Variants in ZNF146 observed in about 807,000 individuals in gnomAD.
ZNF146 encodes zinc finger protein 146.
A neutral mutation model predicts 22.2 loss-of-function variants in ZNF146; 9 were observed. That is an observed-to-expected ratio of 0.41 (90% CI 0.24 to 0.71). The LOEUF is 0.71. Among genes scored for constraint, ZNF146 ranks in the 30% least tolerant of loss-of-function variants. The probability of loss-of-function intolerance (pLI) is 0.34; values close to 1 mark genes in which losing one functional copy is unlikely to be tolerated. For missense variants in ZNF146, 194 were observed against 344.8 expected, an observed-to-expected ratio of 0.56 and a Z score of 3.46; for synonymous variants, 108 against 119.2, an observed-to-expected ratio of 0.91 and a Z score of 0.61.
intron 3 of ZNF146, among the ~76,000 whole-genome samples, chr19:36,229,383 G>T (rs926229426): frequency 3.3e-5 from 5 of 152,128 alleles, no homozygotes; most frequent in Non-Finnish European, 7.3e-5. Context: ...CTACTTTTAT[G>T]TGTGGGGGTC....
upstream of ZNF146, chr19:36,215,079 A>G (rs1290192406): frequency 6.6e-6 from 1 of 152,284 alleles, no homozygotes; most frequent in Non-Finnish European, 1.5e-5. Context: ...CGTCGCGGAG[A>G]CTTCTGGGAG....
chr19:36,222,662 A>G (rs1976898039), intron 2 of ZNF146, among the ~76,000 whole-genome samples: 1 of 151,784 alleles, frequency 6.6e-6, no homozygotes, highest in South Asian at 2.1e-4. Flanking sequence ...GCCTGTATGT[A>G]TTAATCTAGG....
chr19:36,221,523 C>T (rs1029447377), intron 2 of ZNF146, among the ~76,000 whole-genome samples: 6 of 151,808 alleles, frequency 4.0e-5, no homozygotes, highest in Admixed American at 2.0e-4. Context: ...CTCCTGACCT[C>T]GTGATCCACC....
intron 1 of ZNF146, among the ~76,000 whole-genome samples, chr19:36,217,675 A>C (rs1014614025): frequency 1.4e-4 from 21 of 152,028 alleles, no homozygotes; most frequent in Non-Finnish European, 2.6e-4. Context: ...ACCTGAGGTC[A>C]GGAGTTTGAG....
At chr19:36,219,106 C>T (rs1255012404) in intron 2 of ZNF146, among the ~76,000 whole-genome samples, 1 of 152,158 alleles carries the variant, frequency 6.6e-6, no homozygotes, top group Non-Finnish European at 1.5e-5. Context: ...CTGCGCCTGG[C>T]CACTTAAAAT....
chr19:36,233,520 C>A (rs1175271356), intron 3 of ZNF146, among the ~76,000 whole-genome samples: 1 of 152,032 alleles, frequency 6.6e-6, no homozygotes, highest in Admixed American at 6.6e-5. Context: ...AGAGGACCGG[C>A]CTCTTGAGTT....
intron 2 of ZNF146, among the ~76,000 whole-genome samples, chr19:36,228,295 T>C (rs73931517): frequency 0.024 from 3,602 of 152,326 alleles, 166 homozygotes; most frequent in African/African-American, 0.083. Flanking sequence ...CCATGTGCTT[T>C]AGTTCTGATG....
chr19:36,232,928 G>A (rs1384938970), intron 3 of ZNF146, among the ~76,000 whole-genome samples: 1 of 152,136 alleles, frequency 6.6e-6, no homozygotes, highest in Non-Finnish European at 1.5e-5. Context: ...TATAACAAAT[G>A]CTGAAGGAAT....
At chr19:36,223,154 C>T (rs577880240) in intron 2 of ZNF146, among the ~76,000 whole-genome samples, 12 of 151,748 alleles carry the variant, frequency 7.9e-5, no homozygotes, top group South Asian at 4.2e-4. Flanking sequence ...CGATGGCTCA[C>T]GCCTGTAATC....
At chr19:36,235,477 A>G (rs1848793386) in intron 3 of ZNF146, among the ~76,000 whole-genome samples, 182 bp from the exon 4 acceptor site, 1 of 152,198 alleles carries the variant, frequency 6.6e-6, no homozygotes, top group Admixed American at 6.5e-5. Flanking sequence ...TTATTTTCAT[A>G]TTGGGAGATG....
chr19:36,223,385 T>C (rs1389535447), intron 2 of ZNF146, among the ~76,000 whole-genome samples: 2 of 151,954 alleles, frequency 1.3e-5, no homozygotes, highest in African/African-American at 4.8e-5. Flanking sequence ...CTTTTTGAGA[T>C]GGAGTATCTC....
intron 3 of ZNF146, among the ~76,000 whole-genome samples, chr19:36,234,692 C>G (rs143958642): frequency 1.3e-5 from 2 of 152,166 alleles, no homozygotes; most frequent in Admixed American, 6.5e-5. Context: ...CCACTGCGCC[C>G]GGCCAGCCAG....
At chr19:36,215,878 T>C (rs1470641570) in intron 1 of ZNF146, among the ~76,000 whole-genome samples, 1 of 152,212 alleles carries the variant, frequency 6.6e-6, no homozygotes, top group Non-Finnish European at 1.5e-5. Context: ...CCTCATTTTT[T>C]GAAGAAAGCT....
intron 2 of ZNF146, among the ~76,000 whole-genome samples, chr19:36,226,072 C>T (rs1289691608): frequency 2.0e-5 from 3 of 152,102 alleles, no homozygotes; most frequent in Non-Finnish European, 2.9e-5. Context: ...GTCCAGCCCA[C>T]GGTAACATTT....
chr19:36,226,951 C>T (rs1977093027), intron 2 of ZNF146, among the ~76,000 whole-genome samples: 1 of 151,994 alleles, frequency 6.6e-6, no homozygotes, highest in African/African-American at 2.4e-5. Flanking sequence ...GGCATGGTGG[C>T]GCATGCCTAT....
At chr19:36,222,926 G>A (rs1200205948) in intron 2 of ZNF146, among the ~76,000 whole-genome samples, 5 of 150,686 alleles carry the variant, frequency 3.3e-5, no homozygotes. Flanking sequence ...CTTAGAATGA[G>A]CCCCCTGTGG....
chr19:36,232,438 T>TA (rs1977422776), intron 3 of ZNF146, among the ~76,000 whole-genome samples: 1 of 152,116 alleles, frequency 6.6e-6, no homozygotes, highest in Non-Finnish European at 1.5e-5. Context: ...CAGCAAATGA[T>TA]ACCTTAAACA....
chr19:36,221,864 C>T (rs1976855355), intron 2 of ZNF146, among the ~76,000 whole-genome samples: 1 of 151,618 alleles, frequency 6.6e-6, no homozygotes, highest in African/African-American at 2.4e-5. Context: ...CCACATGCAC[C>T]TCCCTATATC....
At position 36,215,203 on chromosome 19, in the gene ZNF146, T is replaced by A. The variant is rs1437748614; in HGVS notation, c.-929+7T>A. The A allele has an allele frequency of 1.3e-5, 2 of 152,146 alleles. No individual in the cohort carries two copies. Among genetic ancestry groups the A allele is most frequent in the Admixed American group, 6.6e-5 (1 of 15,256 alleles). 9.4% of individuals were successfully genotyped at this position (152,146 alleles called of 1,614,324 possible). ...CGTGGCGCGAAAGTAGGAGGTGGGATCTGGGCGTCTCGGGTCGGTCGGACC... is the reference window on the plus strand; with the variant it reads ...CGTGGCGCGAAAGTAGGAGGTGGGAACTGGGCGTCTCGGGTCGGTCGGACC... On this transcript the variant is annotated splice_region_variant and intron_variant, in intron 1 of 3. Transcript: ENST00000443387.
Sources: allele counts gnomAD v4.1 joint callset (sites outside exome capture counted in the v4.1 genomes callset), GRCh38; gene constraint gnomAD v4.1.1; transcripts MANE v1.5; gene names NCBI Gene and HGNC (gene_info 2026-07-23, HGNC 2026-07-21).